SLC4A10: variants seen among roughly 807,000 people sequenced by gnomAD.
SLC4A10 encodes the protein solute carrier family 4 member 10.
In SLC4A10, 42 loss-of-function variants were observed where a neutral mutation model predicts 137.7. That is an observed-to-expected ratio of 0.30 (90% CI 0.24 to 0.39). SLC4A10 has a LOEUF of 0.39. SLC4A10 is among the 10% of genes least tolerant of loss of function. The pLI is 1.00. For missense variants in SLC4A10, 925 were observed against 1,355.0 expected (o/e 0.68, Z 4.98); for synonymous variants, 474 against 464.1 (o/e 1.02, Z -0.27).
chr2:161,743,265 G>A (rs1006666843), intron 1 of SLC4A10, among the ~76,000 whole-genome samples: 1 of 152,146 alleles, frequency 6.6e-6, no homozygotes, highest in African/African-American at 2.4e-5. Flanking sequence ...TTAGATTTAA[G>A]TCTTTAATCC....
intron 1 of SLC4A10, 93 bp from the exon 2 acceptor site, chr2:161,770,880 A>T: frequency 1.2e-6 from 1 of 825,436 alleles, no homozygotes; most frequent in Non-Finnish European, 1.9e-6. Flanking sequence ...GACTGAATTA[A>T]GCCTTGAAAT....
chr2:161,660,717 G>A (rs905251028), intron 1 of SLC4A10, among the ~76,000 whole-genome samples: 1 of 147,820 alleles, frequency 6.8e-6, no homozygotes, highest in Non-Finnish European at 1.5e-5. Context: ...GCAGTGACAC[G>A]ACCTTGGCTC....
chr2:161,836,285 G>A (rs2058759846), intron 3 of SLC4A10, among the ~76,000 whole-genome samples: 1 of 151,970 alleles, frequency 6.6e-6, no homozygotes, highest in Admixed American at 6.6e-5. Flanking sequence ...ATCACTTGAG[G>A]TCAGGAGTTT....
At chr2:161,695,277 G>T (rs1574401681) in intron 1 of SLC4A10, among the ~76,000 whole-genome samples, 1 of 151,898 alleles carries the variant, frequency 6.6e-6, no homozygotes, top group South Asian at 2.1e-4. Context: ...AATTAGCATT[G>T]ATTTTAAATA....
At chr2:161,687,397 T>A (rs2041544752) in intron 1 of SLC4A10, among the ~76,000 whole-genome samples, 1 of 152,204 alleles carries the variant, frequency 6.6e-6, no homozygotes, top group Non-Finnish European at 1.5e-5. Context: ...AAACAAGTAT[T>A]ATTTTAGGAG....
rs556388228 is a variant in SLC4A10 at position 161,671,619 on chromosome 2, C to G, written c.48+47053C>G. ...ACCTGGGTGACAGGATCATTCATAC[C>G]CCAAACCTCAGCGTCATGCAAAAAG... is the stretch of plus-strand genomic sequence containing the variant. On this transcript the variant is annotated intron_variant, in intron 1 of 26. Coordinates refer to ENST00000446997, the MANE Select transcript of SLC4A10 (RefSeq NM_001178015.2). Among the ~76,000 whole-genome samples, 98 of 152,154 alleles carry G rather than the reference C, an allele frequency of 6.4e-4. 1 individual carries two copies. Among genetic ancestry groups the G allele is most frequent in the African/African-American group, 2.3e-3 (95 of 41,518 alleles).
chr2:161,625,485 T>A (rs764891147), intron 1 of SLC4A10, among the ~76,000 whole-genome samples: 37 of 152,072 alleles, frequency 2.4e-4, no homozygotes, highest in Non-Finnish European at 4.0e-4. Context: ...CTATCAGTGC[T>A]ACCACAGCAG....
At position 161,744,023 on chromosome 2, in the gene SLC4A10, G is replaced by A. The variant is rs554380340; in HGVS notation, c.49-26950G>A. On this transcript the variant is annotated intron_variant, in intron 1 of 26. Coordinates refer to ENST00000446997, the MANE Select transcript of SLC4A10 (RefSeq NM_001178015.2). The stretch of plus-strand genomic sequence containing the variant: ...GAATTTTTTAAATCAGCTCTAGTAG[G>A]CTTTTTTTGTGGAGTCTTTACTTTC... Among the ~76,000 whole-genome samples, 79 of 152,106 alleles carry A rather than the reference G, an allele frequency of 5.2e-4. 1 individual carries two copies. The highest frequency in any genetic ancestry group is 1.8e-3 in the African/African-American group (74 of 41,526).
chr2:161,845,954 T>C (rs1023450690), intron 4 of SLC4A10, among the ~76,000 whole-genome samples: 1 of 152,064 alleles, frequency 6.6e-6, no homozygotes. Flanking sequence ...AAAAGCGCAA[T>C]TCGTAAAAGG....
chr2:161,705,662 C>A (rs1574467826), intron 1 of SLC4A10, among the ~76,000 whole-genome samples: 1 of 151,536 alleles, frequency 6.6e-6, no homozygotes, highest in Admixed American at 6.6e-5. Context: ...TGAATTAGTG[C>A]CCTTATAAAA....
At chr2:161,804,183 C>G (rs908581808) in intron 2 of SLC4A10, among the ~76,000 whole-genome samples, 1 of 151,858 alleles carries the variant, frequency 6.6e-6, no homozygotes, top group African/African-American at 2.4e-5. Context: ...GCATGGGGAA[C>G]AGACACATAG....
intron 1 of SLC4A10, among the ~76,000 whole-genome samples, chr2:161,742,309 C>A (rs1296739948): frequency 6.6e-6 from 1 of 152,064 alleles, no homozygotes; most frequent in Non-Finnish European, 1.5e-5. Flanking sequence ...CTTCAATATA[C>A]TGATTTCCTT....
At chr2:161,654,355 C>T (rs2037220351) in intron 1 of SLC4A10, among the ~76,000 whole-genome samples, 1 of 152,092 alleles carries the variant, frequency 6.6e-6, no homozygotes, top group Non-Finnish European at 1.5e-5. Flanking sequence ...GGAGCCTTTT[C>T]ACTCTTTGCT....
At chr2:161,793,169 CAG>C (rs1489542466) in intron 2 of SLC4A10, among the ~76,000 whole-genome samples, 1 of 151,982 alleles carries the variant, frequency 6.6e-6, no homozygotes, top group African/African-American at 2.4e-5. Context: ...TTAAAATTGA[CAG>C]ATAAAATTGT....
At chr2:161,982,260 G>A (rs1290282743) in intron 26 of SLC4A10, among the ~76,000 whole-genome samples, 1 of 152,166 alleles carries the variant, frequency 6.6e-6, no homozygotes, top group African/African-American at 2.4e-5. Flanking sequence ...AGCCTCAGAT[G>A]AGGAGGGTTT....
At chr2:161,945,182 GTATATATATATA>G (rs56159201) in intron 16 of SLC4A10, among the ~76,000 whole-genome samples, 1,675 of 88,776 alleles carry the variant, frequency 0.019, 33 homozygotes, top group East Asian at 0.039. Flanking sequence ...AAGTTTGTGT[GTATATATATATA>G]TATATATATA....
intron 10 of SLC4A10, among the ~76,000 whole-genome samples, chr2:161,883,490 T>G (rs2061976642): frequency 6.6e-6 from 1 of 152,142 alleles, no homozygotes; most frequent in African/African-American, 2.4e-5. Flanking sequence ...AGAAAAACAT[T>G]TTTTCCCTCA....
At position 161,803,973 on chromosome 2, in the gene SLC4A10, A is replaced by G. The variant is rs138032126; in HGVS notation, c.131-476A>G. On this transcript the variant is annotated intron_variant, in intron 2 of 26. Coordinates refer to ENST00000446997, the MANE Select transcript of SLC4A10 (RefSeq NM_001178015.2). ...TAATAGGTGGCCAATATCAAGTGTA[A>G]CATATAGAAATAGGAAAACAGAAAA... 7.3e-3 allele frequency among the ~76,000 whole-genome samples: 1,111 copies of G among 152,260 alleles called. 14 individuals are homozygous for G. The highest frequency in any genetic ancestry group is 0.024 in the African/African-American group (1,003 of 41,568).
At chr2:161,738,385 G>A (rs951707848) in intron 1 of SLC4A10, among the ~76,000 whole-genome samples, 1 of 152,202 alleles carries the variant, frequency 6.6e-6, no homozygotes, top group East Asian at 1.9e-4. Context: ...AGAGACTCCA[G>A]CACTGTCTCA....
Sources: gnomAD v4.1 joint callset for allele counts (sites outside exome capture counted in the v4.1 genomes callset) on GRCh38, gnomAD v4.1.1 for gene constraint, MANE v1.5 for transcripts, NCBI Gene and HGNC (gene_info 2026-07-23, HGNC 2026-07-21) for gene names.